Variants in HCN2 observed in about 807,000 individuals in gnomAD.
The protein encoded by HCN2 is potassium/sodium hyperpolarization-activated cyclic nucleotide-gated channel 2.
In HCN2, 20 loss-of-function variants were observed where a neutral mutation model predicts 52.3. That is an observed-to-expected ratio of 0.38 (90% CI 0.27 to 0.56). The LOEUF (loss-of-function observed/expected upper bound fraction) is 0.56. HCN2 is among the 20% of genes least tolerant of loss of function. The pLI, the probability that HCN2 is intolerant of heterozygous loss-of-function variation, is 0.71. For missense variants in HCN2, 981 were observed against 1,207.7 expected, an observed-to-expected ratio of 0.81 and a Z score of 2.78; for synonymous variants, 694 against 537.0, an observed-to-expected ratio of 1.29 and a Z score of -4.04.
chr19:614,070 G>A, intron 7 of HCN2, 54 bp downstream of exon 7: 1 of 1,341,474 alleles, frequency 7.5e-7, no homozygotes, highest in Admixed American at 2.6e-5. Context: ...GGAGGGGCGT[G>A]GCCAAGGCAT....
Position 613,901 on chromosome 19 carries a change from C to T in HCN2, c.1875C>T (p.Asp625=). ...RGRRTASVRA[D]TYCRLYSLSV... ...GCCGCACGGCGAGCGTGCGGGCTGA[C>T]ACCTACTGCCGCCTCTATTCGCTGA... The change falls in exon 7 of 8, where the codon GAC becomes GAT. Residue 625 remains aspartate (D), a synonymous_variant. Coordinates refer to ENST00000251287, the MANE Select transcript of HCN2 (RefSeq NM_001194.4). 2 of 1,602,150 alleles carry T rather than the reference C, an allele frequency of 1.2e-6. No individual in the cohort carries two copies. Among genetic ancestry groups the T allele is most frequent in the East Asian group, 2.3e-5 (1 of 44,424 alleles).
At chr19:613,606 GCC>G (rs1983748988) in intron 6 of HCN2, 118 bp downstream of exon 6, 2 of 145,390 alleles carry the variant, frequency 1.4e-5, no homozygotes, top group Admixed American at 2.0e-4. Context: ...TGGGGATGGG[GCC>G]GGGGATGGGG....
intron 7 of HCN2, among the ~76,000 whole-genome samples, chr19:614,290 C>G (rs1600540024): frequency 6.6e-6 from 1 of 152,170 alleles, no homozygotes; most frequent in Admixed American, 6.5e-5. Flanking sequence ...CCAGAGGCAG[C>G]CTGTTTCCCA....
intron 5 of HCN2, 93 bp downstream of exon 5, chr19:610,498 A>AG: frequency 8.7e-7 from 1 of 1,145,816 alleles, no homozygotes; most frequent in Non-Finnish European, 1.3e-6. Flanking sequence ...GAGGGAGGCG[A>AG]GGTGCCTAGG....
chr19:596,791 G>A (rs1227411431), intron 1 of HCN2, among the ~76,000 whole-genome samples: 1 of 152,110 alleles, frequency 6.6e-6, no homozygotes, highest in African/African-American at 2.4e-5. Context: ...CCTGACCCCA[G>A]GTCCCCTCTC....
At chr19:610,515 C>G (rs1983582291) in intron 5 of HCN2, 110 bp downstream of exon 5, 23 of 954,782 alleles carry the variant, frequency 2.4e-5, no homozygotes, top group Non-Finnish European at 3.6e-5. Flanking sequence ...TAGGCTGCAG[C>G]AGGAGGGACT....
In HCN2 at chr19:616,184, C is replaced by A; in HGVS notation, c.2380C>A (p.Pro794Thr). 2 of 980,624 alleles carry A rather than the reference C, an allele frequency of 2.0e-6. No individual in the cohort carries two copies. Among genetic ancestry groups the A allele is most frequent in the African/African-American group, 3.5e-5 (2 of 56,532 alleles). The allele number at this position is 980,624 out of a possible 1,614,324, so 60.7% of individuals were successfully genotyped here. The change falls in exon 8 of 8, where the codon CCC (proline) becomes ACC (threonine). Residue 794 changes from proline (P) to threonine (T), a missense_variant. Transcript: ENST00000251287. Reference protein sequence around the residue: ...PASPRAPRTSPYGGLPAAPLA... With the variant: ...PASPRAPRTSTYGGLPAAPLA... ...CAGCCCCCGGGCACCGCGGACCTCGCCCTACGGCGGCCTGCCCGCCGCCCC... is the reference window on the plus strand; with the variant it reads ...CAGCCCCCGGGCACCGCGGACCTCGACCTACGGCGGCCTGCCCGCCGCCCC...
chr19:602,440 G>A lies in HCN2; in HGVS notation c.633-1104G>A, dbSNP rs1335113272. ...TCCTCCTCTCTCCTCCTGCGTGGACGCCCCACTTCCTCTGGAAATGCAGCC... is the reference window on the plus strand; with the variant it reads ...TCCTCCTCTCTCCTCCTGCGTGGACACCCCACTTCCTCTGGAAATGCAGCC... On this transcript the variant is annotated intron_variant, in intron 1 of 7. Coordinates refer to ENST00000251287, the MANE Select transcript of HCN2 (RefSeq NM_001194.4). Among the ~76,000 whole-genome samples, 5 of 151,624 alleles carry A rather than the reference G, an allele frequency of 3.3e-5. 1 individual carries two copies. In the South Asian group the frequency reaches 6.2e-4, roughly 19 times the overall value.
intron 1 of HCN2, among the ~76,000 whole-genome samples, chr19:597,449 C>T (rs1983062687): frequency 6.6e-6 from 1 of 152,230 alleles, no homozygotes; most frequent in Non-Finnish European, 1.5e-5. Context: ...ACCAGGTACC[C>T]CTTGGCGGTT....
rs117967790 is a variant in HCN2, at chr19:613,026, T to C, written c.1585-222T>C. ...ACAGCCGCCCCTCCTGGTCCGATTGTATTGGCAGATGTCGCCAATACGGTG... is the reference window on the plus strand; with the variant it reads ...ACAGCCGCCCCTCCTGGTCCGATTGCATTGGCAGATGTCGCCAATACGGTG... On this transcript the variant is annotated intron_variant, in intron 5 of 7. Coordinates refer to ENST00000251287, the MANE Select transcript of HCN2 (RefSeq NM_001194.4). 6.3e-4 allele frequency among the ~76,000 whole-genome samples: 96 copies of C among 152,322 alleles called. No homozygotes were observed. In the East Asian group the frequency reaches 0.016, roughly 25 times the overall value.
intron 5 of HCN2, among the ~76,000 whole-genome samples, chr19:610,656 CG>C (rs1983591583): frequency 6.6e-6 from 1 of 152,180 alleles, no homozygotes; most frequent in South Asian, 2.1e-4. Context: ...CCTGACAGGG[CG>C]GGGCAGAAGC....
intron 1 of HCN2, among the ~76,000 whole-genome samples, chr19:598,862 C>T (rs1301921483): frequency 2.1e-4 from 32 of 152,262 alleles, no homozygotes; most frequent in Admixed American, 2.1e-3. Flanking sequence ...CCCGCCTCAG[C>T]CTCCTTAAGC....
chr19:598,936 C>A (rs571035921), intron 1 of HCN2, among the ~76,000 whole-genome samples: 9 of 152,274 alleles, frequency 5.9e-5, no homozygotes, highest in Admixed American at 5.9e-4. Flanking sequence ...GGTTTTATCC[C>A]CAGCCTGGGT....
At chr19:594,534 G>A (rs1982966285) in intron 1 of HCN2, among the ~76,000 whole-genome samples, 1 of 152,186 alleles carries the variant, frequency 6.6e-6, no homozygotes, top group Admixed American at 6.5e-5. Flanking sequence ...GGACTGGTCG[G>A]GGAGGAGCTG....
At chr19:610,202 CT>C in intron 4 of HCN2, 56 bp from the exon 5 acceptor site, 2 of 1,557,142 alleles carry the variant, frequency 1.3e-6, no homozygotes, top group Non-Finnish European at 1.7e-6. Context: ...GCAGGTGCCC[CT>C]GTGCCCGCTG....
At position 610,072 on chromosome 19, in the gene HCN2, G is replaced by A. The variant is rs114445913; in HGVS notation, c.1438-187G>A. Reference sequence around the variant, plus strand: ...CCCTGACCCCCCACAGTACAAGCAGGTGTGAAGGCCTATCTCCCCGCCACA... The same window carrying A: ...CCCTGACCCCCCACAGTACAAGCAGATGTGAAGGCCTATCTCCCCGCCACA... On this transcript the variant is annotated intron_variant, in intron 4 of 7. Transcript: ENST00000251287. 2.8e-3 allele frequency among the ~76,000 whole-genome samples: 424 copies of A among 150,126 alleles called. 1 individual carries two copies. Among genetic ancestry groups the A allele is most frequent in the African/African-American group, 9.7e-3 (401 of 41,306 alleles).
chr19:613,720 G>GCCGGCA (rs1555732154), intron 6 of HCN2, 132 bp from the exon 7 acceptor site: 44 of 459,658 alleles, frequency 9.6e-5, no homozygotes, highest in South Asian at 1.2e-4. Flanking sequence ...TGGGGCCGGG[G>GCCGGCA]CCGGCACCAG....
At chr19:601,216 G>A (rs2144512501) in intron 1 of HCN2, among the ~76,000 whole-genome samples, 1 of 152,338 alleles carries the variant, frequency 6.6e-6, no homozygotes, top group South Asian at 2.1e-4. Flanking sequence ...AGGAGGCTGA[G>A]GCAGGAGAAT....
chr19:597,119 C>T (rs1194919675), intron 1 of HCN2, among the ~76,000 whole-genome samples: 1 of 152,246 alleles, frequency 6.6e-6, no homozygotes, highest in Non-Finnish European at 1.5e-5. Context: ...ACAAGGGACC[C>T]TCAGGGTGGC....
Sources: gnomAD v4.1 joint callset for allele counts (sites outside exome capture counted in the v4.1 genomes callset) on GRCh38, gnomAD v4.1.1 for gene constraint, MANE v1.5 for transcripts, NCBI Gene and HGNC (gene_info 2026-07-23, HGNC 2026-07-21) for gene names.